PLPP1: variants seen among roughly 807,000 people sequenced by gnomAD.
The protein encoded by PLPP1 is phospholipid phosphatase 1.
A neutral mutation model predicts 31.2 loss-of-function variants in PLPP1; 24 were observed. The ratio of observed to expected loss-of-function variants is 0.77; its 90% CI spans 0.56 to 1.08. PLPP1 has a LOEUF of 1.08. PLPP1 is among the 50% of genes least tolerant of loss of function. PLPP1 has a pLI of 0.00. For synonymous variants in PLPP1, 146 were observed against 126.3 expected, an observed-to-expected ratio of 1.16 and a Z score of -1.05; for missense variants, 319 against 342.7, an observed-to-expected ratio of 0.93 and a Z score of 0.55.
intron 1 of PLPP1, among the ~76,000 whole-genome samples, chr5:55,487,980 T>A (rs1255376379): frequency 6.6e-6 from 1 of 151,916 alleles, no homozygotes; most frequent in African/African-American, 2.4e-5. Context: ...ATACAAAAAA[T>A]TAGCCGAGTG....
chr5:55,492,708 T>A (rs950412221), intron 1 of PLPP1, among the ~76,000 whole-genome samples: 6 of 152,220 alleles, frequency 3.9e-5, no homozygotes, highest in African/African-American at 1.4e-4. Flanking sequence ...ATTGCATGCT[T>A]GCACATGCTG....
chr5:55,487,387 A>G (rs1465270605), intron 1 of PLPP1, among the ~76,000 whole-genome samples: 6 of 149,394 alleles, frequency 4.0e-5, no homozygotes, highest in African/African-American at 7.4e-5. Context: ...AAAATGATGG[A>G]AAAAAAAAAG....
At chr5:55,526,106 C>A (rs1467853315) in intron 1 of PLPP1, among the ~76,000 whole-genome samples, 1 of 151,522 alleles carries the variant, frequency 6.6e-6, no homozygotes, top group Non-Finnish European at 1.5e-5. Context: ...CAAACATTGA[C>A]AATTTTAACC....
intron 1 of PLPP1, among the ~76,000 whole-genome samples, chr5:55,502,247 G>C (rs910524586): frequency 3.3e-5 from 5 of 152,310 alleles, no homozygotes; most frequent in Admixed American, 6.5e-5. Flanking sequence ...CCAGCACTTA[G>C]GGAGGCCGAA....
In PLPP1 at chr5:55,493,387, G is replaced by T. The variant is rs79384602; in HGVS notation, c.59-17937C>A. On this transcript the variant is annotated intron_variant, in intron 1 of 5. Transcript: ENST00000307259. Reference sequence around the variant, plus strand: ...GTATTATTTGCTATAGATTATCTCTGAATTCTGCAATTCTATGGTTTTTCA... The same window carrying T: ...GTATTATTTGCTATAGATTATCTCTTAATTCTGCAATTCTATGGTTTTTCA... 2.0e-5 allele frequency among the ~76,000 whole-genome samples: 3 copies of T among 151,872 alleles called. No homozygotes were observed. In the East Asian group the frequency reaches 5.8e-4, roughly 29 times the overall value.
At chr5:55,478,362 C>T (rs957311035) in intron 1 of PLPP1, among the ~76,000 whole-genome samples, 1 of 152,050 alleles carries the variant, frequency 6.6e-6, no homozygotes, top group Non-Finnish European at 1.5e-5. Context: ...ACCAGGAATA[C>T]AAATTGAATA....
intron 4 of PLPP1, among the ~76,000 whole-genome samples, chr5:55,437,134 T>A (rs1480421533): frequency 6.6e-6 from 1 of 152,206 alleles, no homozygotes; most frequent in Non-Finnish European, 1.5e-5. Context: ...CTGCAATTGG[T>A]TATAGCAGCC....
intron 1 of PLPP1, among the ~76,000 whole-genome samples, chr5:55,514,497 T>A (rs1315154407): frequency 6.6e-6 from 1 of 152,238 alleles, no homozygotes; most frequent in Non-Finnish European, 1.5e-5. Flanking sequence ...ATCTTAAAAG[T>A]ATTTATGTGG....
At chr5:55,531,962 G>T (rs987904615) in intron 1 of PLPP1, among the ~76,000 whole-genome samples, 1 of 152,116 alleles carries the variant, frequency 6.6e-6, no homozygotes, top group Non-Finnish European at 1.5e-5. Context: ...TAAAAGAAAT[G>T]CCAGTAATAC....
chr5:55,471,225 G>A (rs547207434), intron 2 of PLPP1, among the ~76,000 whole-genome samples: 10 of 146,330 alleles, frequency 6.8e-5, no homozygotes, highest in Admixed American at 2.7e-4. Flanking sequence ...TTTTTGAGAC[G>A]GAGTCTTGCT....
chr5:55,455,146 C>T (rs1028698017), intron 3 of PLPP1, among the ~76,000 whole-genome samples: 2 of 152,112 alleles, frequency 1.3e-5, no homozygotes, highest in African/African-American at 4.8e-5. Context: ...AAATCTGATT[C>T]ATACAGCCAG....
chr5:55,474,168 TGTATTTTTA>T (rs1318923493), intron 2 of PLPP1, among the ~76,000 whole-genome samples: 1 of 151,888 alleles, frequency 6.6e-6, no homozygotes, highest in African/African-American at 2.4e-5. Context: ...AGCTAATTTT[TGTATTTTTA>T]GTAGAGACGG....
At chr5:55,435,027 A>G (rs1200826366) in intron 4 of PLPP1, among the ~76,000 whole-genome samples, 1 of 152,220 alleles carries the variant, frequency 6.6e-6, no homozygotes, top group East Asian at 1.9e-4. Flanking sequence ...TCCAGGACAT[A>G]TAAGGAACTC....
At chr5:55,527,570 T>C (rs1740506527) in intron 1 of PLPP1, among the ~76,000 whole-genome samples, 2 of 152,154 alleles carry the variant, frequency 1.3e-5, no homozygotes, top group South Asian at 4.1e-4. Context: ...GTTTTAGACA[T>C]AGATGGGTAT....
chr5:55,443,177 TAAAAAAA>T (rs1178247543), intron 3 of PLPP1, among the ~76,000 whole-genome samples: 8 of 51,022 alleles, frequency 1.6e-4, no homozygotes, highest in African/African-American at 5.4e-4. Flanking sequence ...AAGGATTACT[TAAAAAAA>T]AAAAAAAAAT....
chr5:55,463,819 A>AAATAAAT (rs1752223369), intron 3 of PLPP1, among the ~76,000 whole-genome samples: 4 of 149,998 alleles, frequency 2.7e-5, no homozygotes, highest in African/African-American at 9.7e-5. Context: ...ATAAATAAAT[A>AAATAAAT]AATAAATAAA....
At chr5:55,498,753 C>G (rs1753056618) in intron 1 of PLPP1, among the ~76,000 whole-genome samples, 1 of 151,550 alleles carries the variant, frequency 6.6e-6, no homozygotes, top group South Asian at 2.1e-4. Flanking sequence ...GCTAGGGAAG[C>G]ACTTACAATT....
chr5:55,431,968 C>G (rs920264292), intron 4 of PLPP1, among the ~76,000 whole-genome samples: 3 of 152,218 alleles, frequency 2.0e-5, no homozygotes, highest in Non-Finnish European at 4.4e-5. Context: ...GTCACCCAGT[C>G]TGGGGCACAG....
At chr5:55,523,335 CTAT>C (rs1753714055) in intron 1 of PLPP1, among the ~76,000 whole-genome samples, 1 of 152,038 alleles carries the variant, frequency 6.6e-6, no homozygotes, top group South Asian at 2.1e-4. Flanking sequence ...TTCATTCTAC[CTAT>C]TTTTTGTACT....
Sources: allele counts gnomAD v4.1 joint callset (sites outside exome capture counted in the v4.1 genomes callset), GRCh38; gene constraint gnomAD v4.1.1; transcripts MANE v1.5; gene names NCBI Gene and HGNC (gene_info 2026-07-23, HGNC 2026-07-21).